Variants in SLC39A14 observed in about 807,000 individuals in gnomAD.
The protein encoded by SLC39A14 is metal cation symporter ZIP14.
In SLC39A14, 19 loss-of-function variants were observed where a neutral mutation model predicts 45.5. That is an observed-to-expected ratio of 0.42 (90% CI 0.29 to 0.61). The LOEUF is 0.61. Among genes scored for constraint, SLC39A14 ranks in the 20% least tolerant of loss-of-function variants. The probability of loss-of-function intolerance (pLI) is 0.22; values close to 1 mark genes in which losing one functional copy is unlikely to be tolerated. For synonymous variants in SLC39A14, 264 were observed against 251.3 expected (o/e 1.05, Z -0.48); for missense variants, 447 against 616.5 (o/e 0.73, Z 2.91).
intron 1 of SLC39A14, among the ~76,000 whole-genome samples, chr8:22,392,171 CA>C (rs1336869011): frequency 6.6e-6 from 1 of 152,110 alleles, no homozygotes; most frequent in East Asian, 1.9e-4. Context: ...GACAGGGAGG[CA>C]ATTGAACAGA....
intron 1 of SLC39A14, among the ~76,000 whole-genome samples, chr8:22,395,816 C>G (rs1403105817): frequency 6.6e-6 from 1 of 152,100 alleles, no homozygotes; most frequent in Non-Finnish European, 1.5e-5. Flanking sequence ...CGTTTCTTTT[C>G]CTCTTCCTCA....
intron 1 of SLC39A14, among the ~76,000 whole-genome samples, chr8:22,386,048 T>C (rs1031566466): frequency 1.3e-5 from 2 of 152,112 alleles, no homozygotes; most frequent in South Asian, 2.1e-4. Flanking sequence ...AATGTGATTC[T>C]CCTGCCTCAG....
chr8:22,429,772 T>C (rs758559715), intron 8 of SLC39A14, among the ~76,000 whole-genome samples: 1 of 152,182 alleles, frequency 6.6e-6, no homozygotes, highest in Non-Finnish European at 1.5e-5. Context: ...TGGCATGACA[T>C]AGCAGTGAAA....
intron 1 of SLC39A14, among the ~76,000 whole-genome samples, chr8:22,375,716 G>C (rs1055317209): frequency 1.1e-4 from 16 of 152,080 alleles, no homozygotes; most frequent in South Asian, 4.1e-4. Context: ...TCTCAAACTC[G>C]ACCTCAGGTG....
intron 3 of SLC39A14, among the ~76,000 whole-genome samples, chr8:22,411,193 C>T (rs1335435199): frequency 2.0e-5 from 3 of 152,194 alleles, no homozygotes; most frequent in Non-Finnish European, 2.9e-5. Context: ...AATGGAAATA[C>T]TGTAATTGTG....
intron 1 of SLC39A14, chr8:22,393,063 C>A: frequency 5.1e-6 from 1 of 195,114 alleles, no homozygotes. Context: ...GTTTTCCCAT[C>A]CTGCCCCTCC....
intron 1 of SLC39A14, among the ~76,000 whole-genome samples, chr8:22,396,022 G>A (rs956204499): frequency 6.6e-6 from 1 of 152,118 alleles, no homozygotes; most frequent in Non-Finnish European, 1.5e-5. Flanking sequence ...AGTCCCTGCA[G>A]TGTGGCTCTG....
chr8:22,388,835 G>T (rs1361719117), intron 1 of SLC39A14, among the ~76,000 whole-genome samples: 1 of 151,858 alleles, frequency 6.6e-6, no homozygotes, highest in Non-Finnish European at 1.5e-5. Flanking sequence ...TGATTCACTT[G>T]TCTACCTTTC....
At chr8:22,415,728 T>G in intron 5 of SLC39A14, 41 bp from the exon 6 acceptor site, 1 of 1,587,888 alleles carries the variant, frequency 6.3e-7, no homozygotes, top group South Asian at 1.1e-5. Flanking sequence ...GTTTGTGGTT[T>G]TGGTGAATGT....
chr8:22,382,017 T>C (rs1276707229), intron 1 of SLC39A14, among the ~76,000 whole-genome samples: 1 of 152,088 alleles, frequency 6.6e-6, no homozygotes, highest in Non-Finnish European at 1.5e-5. Context: ...GGTACGGGTC[T>C]GTAATCCCAG....
rs752799182 is a variant in SLC39A14 at position 22,414,828 on chromosome 8, G to A, written c.676G>A (p.Val226Met). The A allele has an allele frequency of 1.2e-5, 20 of 1,612,986 alleles. No individual in the cohort carries two copies. The highest frequency in any genetic ancestry group is 3.5e-4 in the Middle Eastern group (2 of 5,680). ...AGATTATTATGTCTCCAAGTCTGCA[G>A]TGGTGTTTGGGGGCTTTTATCTTTT... The part of the protein sequence containing the change: ...LEDYYVSKSA[V>M]VFGGFYLFFF... The change falls in exon 5 of 9, where the codon GTG becomes ATG. Residue 226 changes from valine (V) to methionine (M), a missense_variant. Around this residue, in one of 2 missense-constraint regions of SLC39A14, gnomAD observed 342 missense variants for 428.1 expected, o/e 0.80. Transcript: ENST00000381237.
At chr8:22,380,627 C>T (rs1176460925) in intron 1 of SLC39A14, among the ~76,000 whole-genome samples, 2 of 151,852 alleles carry the variant, frequency 1.3e-5, no homozygotes, top group Non-Finnish European at 2.9e-5. Flanking sequence ...TCCCTCCCTG[C>T]AGCACCCTAC....
At chr8:22,392,503 G>T (rs1834134818) in intron 1 of SLC39A14, among the ~76,000 whole-genome samples, 1 of 152,198 alleles carries the variant, frequency 6.6e-6, no homozygotes, top group Non-Finnish European at 1.5e-5. Context: ...GTAAGTGATG[G>T]ATGTGAGTAC....
rs1836207937 is a variant in SLC39A14 at position 22,421,192 on chromosome 8, A to AT, written c.*1496dup. The AT allele has an allele frequency of 1.0e-6, 1 of 985,700 alleles. No individual in the cohort carries two copies. The highest frequency in any genetic ancestry group is 1.1e-4 in the East Asian group (1 of 8,826). The allele number at this position is 985,700 out of a possible 1,614,324, so 61.1% of individuals were successfully genotyped here. A position where few individuals can be genotyped will look rare whatever the true frequency, so the allele number is the denominator to read the frequency against. On this transcript the variant is annotated 3_prime_UTR_variant, in exon 9 of 9. Transcript: ENST00000381237. ...GCCCAGGGGCCATGTTTGCAAACTG[A>AT]TTCATGTGCATGGCTGACAGGAGTA...
At chr8:22,387,926 C>T (rs1268636581) in intron 1 of SLC39A14, among the ~76,000 whole-genome samples, 4 of 152,184 alleles carry the variant, frequency 2.6e-5, no homozygotes, top group Admixed American at 6.5e-5. Flanking sequence ...GGAGAAACCC[C>T]GTCTCTACTA....
At chr8:22,373,353 T>C (rs1023159060) in intron 1 of SLC39A14, among the ~76,000 whole-genome samples, 12 of 152,128 alleles carry the variant, frequency 7.9e-5, no homozygotes, top group Non-Finnish European at 4.4e-5. Context: ...TTTAGAAATT[T>C]CAGGATTTTA....
At chr8:22,397,405 G>T (rs184280483) in intron 1 of SLC39A14, among the ~76,000 whole-genome samples, 1 of 152,050 alleles carries the variant, frequency 6.6e-6, no homozygotes, top group Non-Finnish European at 1.5e-5. Flanking sequence ...AGTGAAAGCC[G>T]GTCTCTACTA....
chr8:22,374,417 G>T (rs1394537759), intron 1 of SLC39A14, among the ~76,000 whole-genome samples: 1 of 152,200 alleles, frequency 6.6e-6, no homozygotes, highest in East Asian at 1.9e-4. Flanking sequence ...GGGGTACTGG[G>T]TGAGGCCAGA....
At chr8:22,372,257 T>A (rs1384900858) in intron 1 of SLC39A14, among the ~76,000 whole-genome samples, 2 of 152,176 alleles carry the variant, frequency 1.3e-5, no homozygotes, top group African/African-American at 4.8e-5. Context: ...TTCACATAGT[T>A]GAAAAATCAA....
Sources: gnomAD v4.1 joint callset for allele counts (sites outside exome capture counted in the v4.1 genomes callset) on GRCh38, gnomAD v4.1.1 for gene constraint, gnomAD v4.1.1 regional missense constraint, MANE v1.5 for transcripts, NCBI Gene and HGNC (gene_info 2026-07-23, HGNC 2026-07-21) for gene names.